Variants in GPHN observed in about 807,000 individuals in gnomAD.
GPHN encodes the protein gephyrin.
A neutral mutation model predicts 95.5 loss-of-function variants in GPHN; 17 were observed. The ratio of observed to expected loss-of-function variants is 0.18; its 90% CI spans 0.12 to 0.27. GPHN has a LOEUF of 0.27. Among genes scored for constraint, GPHN ranks in the 10% least tolerant of loss-of-function variants. The probability of loss-of-function intolerance (pLI) is 1.00; values close to 1 mark genes in which losing one functional copy is unlikely to be tolerated. For missense variants in GPHN, 660 were observed against 978.1 expected, an observed-to-expected ratio of 0.67 and a Z score of 4.34; for synonymous variants, 320 against 322.5, an observed-to-expected ratio of 0.99 and a Z score of 0.08.
chr14:67,257,081 G>T, the GPHN span, among the ~76,000 whole-genome samples: 6,606 of 152,132 alleles, frequency 0.043, 337 homozygotes, highest in African/African-American at 0.12. Context: ...CCGGTAAGAC[G>T]GAACAACTTG....
chr14:66,841,516 T>C (rs912021934), intron 4 of GPHN, among the ~76,000 whole-genome samples: 1 of 152,134 alleles, frequency 6.6e-6, no homozygotes, highest in Non-Finnish European at 1.5e-5. Flanking sequence ...AGTAGATTAC[T>C]GATATATTTT....
chr14:67,359,002 C>T, the GPHN span, among the ~76,000 whole-genome samples: 1 of 152,200 alleles, frequency 6.6e-6, no homozygotes, highest in Non-Finnish European at 1.5e-5. Context: ...AAACAAATAT[C>T]TACTTTACAG....
chr14:67,572,119 C>T, the GPHN span: 4 of 1,601,428 alleles, frequency 2.5e-6, no homozygotes, highest in Non-Finnish European at 2.6e-6. Context: ...GCCTTGACTC[C>T]TCCTCCCTCG....
At chr14:67,674,622 T>A in the GPHN span, 1 of 640,408 alleles carries the variant, frequency 1.6e-6, no homozygotes, top group Non-Finnish European at 2.4e-6. Context: ...ACGAGGCTCT[T>A]CCGGAGCCGC....
chr14:67,344,076 C>T, the GPHN span, among the ~76,000 whole-genome samples: 2 of 152,270 alleles, frequency 1.3e-5, no homozygotes, highest in South Asian at 4.1e-4. Context: ...AACCTACTGA[C>T]GCTGAAAATG....
chr14:67,038,215 T>C (rs749944508), intron 10 of GPHN, among the ~76,000 whole-genome samples: 16 of 152,066 alleles, frequency 1.1e-4, no homozygotes, highest in Non-Finnish European at 2.4e-4. Flanking sequence ...CAAAAACTAA[T>C]ACTTCATGGT....
At chr14:66,715,283 C>T (rs573443933) in intron 2 of GPHN, among the ~76,000 whole-genome samples, 2 of 152,134 alleles carry the variant, frequency 1.3e-5, no homozygotes, top group Middle Eastern at 3.4e-3. Flanking sequence ...CCGTAGTAGC[C>T]TTGAATGATC....
the GPHN span, among the ~76,000 whole-genome samples, chr14:67,339,004 T>G: frequency 5.3e-5 from 8 of 150,112 alleles, no homozygotes; most frequent in South Asian, 4.2e-4. Flanking sequence ...TTTTTTTTTT[T>G]TTTTTTTGAG....
At chr14:67,178,521 A>G (rs924846552) in intron 21 of GPHN, among the ~76,000 whole-genome samples, 5 of 152,148 alleles carry the variant, frequency 3.3e-5, no homozygotes, top group African/African-American at 1.2e-4. Flanking sequence ...ACCTTGGTGA[A>G]TCTGACGATT....
chr14:67,642,225 C>T, the GPHN span: 10 of 1,614,098 alleles, frequency 6.2e-6, no homozygotes, highest in Non-Finnish European at 5.1e-6. Context: ...AGTTTTACTC[C>T]AGTCCCCAAA....
intron 5 of GPHN, among the ~76,000 whole-genome samples, chr14:66,891,207 AC>A (rs1567066542): frequency 6.6e-6 from 1 of 152,218 alleles, no homozygotes; most frequent in Non-Finnish European, 1.5e-5. Flanking sequence ...AACCATTAGA[AC>A]TAATAAATGA....
chr14:67,136,840 T>C (rs1454024570), intron 17 of GPHN, among the ~76,000 whole-genome samples: 1 of 152,140 alleles, frequency 6.6e-6, no homozygotes, highest in African/African-American at 2.4e-5. Flanking sequence ...TATTTAATTA[T>C]TCAAATGAAA....
chr14:67,726,240 T>C, the GPHN span: 1 of 861,356 alleles, frequency 1.2e-6, no homozygotes, highest in South Asian at 1.3e-5. Context: ...GTGGAGAATG[T>C]CCAGGGGCCT....
the GPHN span, among the ~76,000 whole-genome samples, chr14:67,655,210 A>T: frequency 6.6e-6 from 1 of 151,810 alleles, no homozygotes; most frequent in Non-Finnish European, 1.5e-5. Flanking sequence ...GCACAGTAGC[A>T]CATGCCTGTA....
intron 18 of GPHN, among the ~76,000 whole-genome samples, chr14:67,146,371 G>T (rs922212107): frequency 8.5e-5 from 13 of 152,122 alleles, no homozygotes; most frequent in African/African-American, 3.1e-4. Context: ...AACACTGAAA[G>T]CTTGTTAAAT....
At chr14:66,732,170 C>T (rs2071827692) in intron 2 of GPHN, among the ~76,000 whole-genome samples, 1 of 152,190 alleles carries the variant, frequency 6.6e-6, no homozygotes, top group Non-Finnish European at 1.5e-5. Context: ...ACAGAGTCCC[C>T]ACTGGGGCAC....
chr14:66,562,344 G>A (rs1246631761), intron 1 of GPHN, among the ~76,000 whole-genome samples: 2 of 152,058 alleles, frequency 1.3e-5, no homozygotes, highest in Non-Finnish European at 2.9e-5. Flanking sequence ...CAGAAAATAA[G>A]TTTGTGAGGT....
the GPHN span, chr14:67,221,808 G>A: frequency 6.2e-7 from 1 of 1,612,964 alleles, no homozygotes; most frequent in Non-Finnish European, 8.5e-7. Flanking sequence ...AACACTTCAG[G>A]TATGGAACAA....
chr14:66,982,346 C>T (rs1236903682), intron 9 of GPHN, among the ~76,000 whole-genome samples: 1 of 151,830 alleles, frequency 6.6e-6, no homozygotes, highest in African/African-American at 2.4e-5. Context: ...TTACTAGAAT[C>T]CAAATTCTTG....
Sources: allele counts gnomAD v4.1 joint callset (sites outside exome capture counted in the v4.1 genomes callset), GRCh38; gene constraint gnomAD v4.1.1; transcripts MANE v1.5; gene names NCBI Gene and HGNC (gene_info 2026-07-23, HGNC 2026-07-21).